The following MINK1 variants were observed in gnomAD, a reference collection of about 807,000 sequenced individuals.
MINK1 encodes the protein misshapen-like kinase 1.
MINK1 carries 46 observed loss-of-function variants against 178.4 expected under a neutral mutation model. The ratio of observed to expected loss-of-function variants is 0.26; its 90% CI spans 0.20 to 0.33. The LOEUF is 0.33. MINK1 is among the 10% of genes least tolerant of loss of function. MINK1 has a pLI of 1.00. For missense variants in MINK1, 1,366 were observed against 1,814.9 expected (o/e 0.75, Z 4.49); for synonymous variants, 797 against 709.7 (o/e 1.12, Z -1.96).
intron 4 of MINK1, among the ~76,000 whole-genome samples, chr17:4,883,977 C>G (rs115548274): frequency 0.036 from 5,498 of 151,522 alleles, 344 homozygotes; most frequent in African/African-American, 0.13. Context: ...GACTCCTACT[C>G]TAAACCCAGC....
intron 1 of MINK1, chr17:4,844,640 G>A (rs772204846): frequency 2.1e-5 from 10 of 471,212 alleles, no homozygotes; most frequent in Non-Finnish European, 3.8e-5. Context: ...AGCTCCACGG[G>A]GCTCGTACCC....
At chr17:4,851,556 C>A (rs1216276727) in intron 1 of MINK1, among the ~76,000 whole-genome samples, 1 of 152,182 alleles carries the variant, frequency 6.6e-6, no homozygotes, top group Non-Finnish European at 1.5e-5. Context: ...CTGCCCGTTT[C>A]CTTCTCCTTT....
intron 1 of MINK1, chr17:4,870,953 C>T (rs560214050): frequency 6.3e-5 from 11 of 175,108 alleles, no homozygotes; most frequent in Middle Eastern, 5.3e-4. Context: ...AAACCCAGTA[C>T]GCATTAGCAG....
chr17:4,852,234 A>G (rs1294493141), intron 1 of MINK1, among the ~76,000 whole-genome samples: 1 of 152,062 alleles, frequency 6.6e-6, no homozygotes, highest in Non-Finnish European at 1.5e-5. Flanking sequence ...AGGTTTTTCT[A>G]GATAACTGCT....
At chr17:4,838,229 G>T (rs546936668) in intron 1 of MINK1, among the ~76,000 whole-genome samples, 1 of 152,188 alleles carries the variant, frequency 6.6e-6, no homozygotes, top group African/African-American at 2.4e-5. Context: ...GCAAAATGAC[G>T]GAAGGAAGAT....
intron 1 of MINK1, among the ~76,000 whole-genome samples, chr17:4,850,799 G>A (rs1336761544): frequency 6.6e-6 from 1 of 152,156 alleles, no homozygotes; most frequent in Non-Finnish European, 1.5e-5. Context: ...TGTTTGTGCT[G>A]CAATTGAAAA....
chr17:4,869,557 G>A (rs1231318865), intron 1 of MINK1, among the ~76,000 whole-genome samples: 2 of 151,658 alleles, frequency 1.3e-5, no homozygotes, highest in African/African-American at 4.8e-5. Flanking sequence ...CATTACAGGC[G>A]TGGGCCACTG....
intron 1 of MINK1, among the ~76,000 whole-genome samples, chr17:4,849,026 G>A (rs1209137206): frequency 2.0e-5 from 3 of 152,116 alleles, no homozygotes; most frequent in Admixed American, 1.3e-4. Context: ...TTAAGAAAGA[G>A]AAAACCACCC....
At position 4,897,314 on chromosome 17, in the gene MINK1, C is replaced by T. The variant is rs536758486; in HGVS notation, c.*27C>T. On this transcript the variant is annotated 3_prime_UTR_variant, in exon 32 of 32. Transcript: ENST00000355280. Reference sequence around the variant, plus strand: ...GGGGCCCTGGGCTGGGGCTGTCCCACACTGGACCCAGCTCTCCCCCTGCAG... The same window carrying T: ...GGGGCCCTGGGCTGGGGCTGTCCCATACTGGACCCAGCTCTCCCCCTGCAG... The T allele has an allele frequency of 1.9e-5, 31 of 1,603,102 alleles. No homozygotes were observed. Among genetic ancestry groups the T allele is most frequent in the Non-Finnish European group, 2.5e-5 (29 of 1,170,512 alleles).
At chr17:4,856,589 G>C (rs1008158836) in intron 1 of MINK1, among the ~76,000 whole-genome samples, 13 of 152,116 alleles carry the variant, frequency 8.5e-5, no homozygotes, top group African/African-American at 3.1e-4. Flanking sequence ...TGGGAGATGA[G>C]GGCTGCTCCA....
At chr17:4,875,404 G>T in intron 1 of MINK1, 1 of 443,854 alleles carries the variant, frequency 2.3e-6, no homozygotes, top group South Asian at 1.6e-5. Flanking sequence ...GAGCCCAGGA[G>T]TTCAAGGCTA....
intron 1 of MINK1, among the ~76,000 whole-genome samples, chr17:4,878,053 A>G (rs113151471): frequency 1.3e-5 from 2 of 151,842 alleles, no homozygotes; most frequent in South Asian, 2.1e-4. Context: ...CTCGTGATCC[A>G]CCTGCCTCGG....
intron 5 of MINK1, 91 bp downstream of exon 5, chr17:4,884,564 A>C (rs1195887339): frequency 3.2e-6 from 3 of 943,072 alleles, no homozygotes; most frequent in Non-Finnish European, 1.7e-6. Flanking sequence ...CTGGGAGGAG[A>C]CATCACTGCC....
chr17:4,888,379 A>T (rs1338531918), intron 12 of MINK1, among the ~76,000 whole-genome samples: 1 of 152,112 alleles, frequency 6.6e-6, no homozygotes, highest in Non-Finnish European at 1.5e-5. Context: ...TCACGCCTGT[A>T]ATCCCAGCAC....
intron 1 of MINK1, among the ~76,000 whole-genome samples, chr17:4,873,148 G>C (rs1006149054): frequency 1.3e-5 from 2 of 152,192 alleles, no homozygotes; most frequent in Admixed American, 6.5e-5. Flanking sequence ...TCTGGCGTCT[G>C]TTCTGCTGCT....
At chr17:4,859,553 T>A (rs1485351168) in intron 1 of MINK1, among the ~76,000 whole-genome samples, 1 of 151,946 alleles carries the variant, frequency 6.6e-6, no homozygotes, top group Non-Finnish European at 1.5e-5. Flanking sequence ...TTTGGGAGGC[T>A]GAGGCGGATG....
chr17:4,841,831 G>A (rs1177042738), intron 1 of MINK1, among the ~76,000 whole-genome samples: 5 of 152,054 alleles, frequency 3.3e-5, no homozygotes, highest in Admixed American at 1.3e-4. Context: ...GCTGGGCACG[G>A]TGGGATACAA....
intron 1 of MINK1, among the ~76,000 whole-genome samples, chr17:4,863,393 T>G (rs1280055850): frequency 6.6e-6 from 1 of 152,220 alleles, no homozygotes; most frequent in Non-Finnish European, 1.5e-5. Flanking sequence ...GCATCTTCCC[T>G]TTTATTTGAA....
At chr17:4,840,502 C>A (rs1910048888) in intron 1 of MINK1, among the ~76,000 whole-genome samples, 1 of 150,348 alleles carries the variant, frequency 6.7e-6, no homozygotes, top group Non-Finnish European at 1.5e-5. Flanking sequence ...GGTCCTGGGT[C>A]TGTAGTTTAG....
Sources: gnomAD v4.1 joint callset for allele counts (sites outside exome capture counted in the v4.1 genomes callset) on GRCh38, gnomAD v4.1.1 for gene constraint, MANE v1.5 for transcripts, NCBI Gene and HGNC (gene_info 2026-07-23, HGNC 2026-07-21) for gene names.